TMEM18: variants seen among roughly 807,000 people sequenced by gnomAD.
TMEM18 encodes the protein transmembrane protein 18.
In TMEM18, 14 loss-of-function variants were observed where a neutral mutation model predicts 17.4. The observed-to-expected ratio is 0.80, with a 90% CI of 0.53 to 1.25. The LOEUF (loss-of-function observed/expected upper bound fraction) is 1.25, where lower values mean the gene tolerates loss of function less well. TMEM18 is among the 50% of genes most tolerant of loss of function. TMEM18 has a pLI of 0.00. For synonymous variants in TMEM18, 86 were observed against 66.1 expected (o/e 1.30, Z -1.46); for missense variants, 187 against 172.1 (o/e 1.09, Z -0.48).
Position 666,766 on chromosome 2 carries a change from T to C in TMEM18, c.*2814A>G, listed in dbSNP as rs923366363. Among the ~76,000 whole-genome samples the C allele has an allele frequency of 6.6e-6, 1 of 151,862 alleles. No individual in the cohort carries two copies. Among genetic ancestry groups the C allele is most frequent in the African/African-American group, 2.4e-5 (1 of 41,300 alleles). On this transcript the variant is annotated 3_prime_UTR_variant, in exon 5 of 5. Transcript: ENST00000281017. ...GTCCTCCCCAGGACCGACTTGCTGG[T>C]GTAGTCGACCAGCAAGAGGGGCTTC...
chr2:675,090 T>C (rs1046730988), intron 2 of TMEM18, among the ~76,000 whole-genome samples: 1 of 152,250 alleles, frequency 6.6e-6, no homozygotes, highest in Non-Finnish European at 1.5e-5. Flanking sequence ...CTAAGTTCTG[T>C]AGCCCTTATC....
chr2:675,556 C>T lies in TMEM18; in HGVS notation c.132G>A (p.Leu44=), dbSNP rs1482906183. Residue 44 remains leucine (L), a synonymous_variant, in exon 2 of 5, where the codon TTG becomes TTA. Coordinates refer to ENST00000281017, the MANE Select transcript of TMEM18 (RefSeq NM_152834.4). The stretch of plus-strand genomic sequence containing the variant: ...TCTGTAGTCTGTAGCTTCGGGAGGA[C>T]AAGCAGGTGAGGAGCACGCAGAGCG... ...FHALCVLLTC[L]SSRSYRLQIG... The T allele has an allele frequency of 4.3e-6, 7 of 1,614,110 alleles. No homozygotes were observed. Among genetic ancestry groups the T allele is most frequent in the African/African-American group, 1.3e-5 (1 of 74,930 alleles).
intron 1 of TMEM18, chr2:676,368 T>C (rs1340632195): frequency 2.8e-6 from 4 of 1,411,080 alleles, no homozygotes; most frequent in Non-Finnish European, 3.8e-6. Context: ...TTGAGCGCCC[T>C]CCTGCAGAAG....
At chr2:676,691 C>A (rs1263860294) in intron 1 of TMEM18, 2 of 1,520,710 alleles carry the variant, frequency 1.3e-6, no homozygotes, top group Non-Finnish European at 1.8e-6. Context: ...ATCTGTCAGA[C>A]GAACCCGGCA....
chr2:672,912 C>A, intron 2 of TMEM18, 50 bp from the exon 3 acceptor site: 1 of 1,457,548 alleles, frequency 6.9e-7, no homozygotes, highest in Non-Finnish European at 9.1e-7. Flanking sequence ...CGTTATTACT[C>A]GTTATAAAGT....
intron 3 of TMEM18, 78 bp downstream of exon 3, chr2:672,730 G>T: frequency 7.7e-7 from 1 of 1,306,236 alleles, no homozygotes; most frequent in Non-Finnish European, 1.0e-6. Context: ...TGTCTCCTCC[G>T]CGAGTCCCAC....
chr2:677,218 C>A, intron 1 of TMEM18, 71 bp downstream of exon 1: 3 of 1,545,318 alleles, frequency 1.9e-6, no homozygotes, highest in South Asian at 2.4e-5. Flanking sequence ...AGGCCGGGTG[C>A]TCTGTGGGGC....
Position 669,170 on chromosome 2 carries a change from C to T in TMEM18, c.*410G>A, listed in dbSNP as rs115295508. On this transcript the variant is annotated 3_prime_UTR_variant, in exon 5 of 5. Transcript: ENST00000281017. Reference sequence around the variant, plus strand: ...CCTCTACTGCGAACTGTGGCATGCACTAGAAAACACAGCACGAGGAGGAGG... The same window carrying T: ...CCTCTACTGCGAACTGTGGCATGCATTAGAAAACACAGCACGAGGAGGAGG... The T allele has an allele frequency of 8.1e-3, 1,338 of 165,832 alleles. 18 individuals are homozygous for T. Among genetic ancestry groups the T allele is most frequent in the African/African-American group, 0.03 (1,274 of 41,812 alleles). 10.3% of individuals were successfully genotyped at this position (165,832 alleles called of 1,614,324 possible).
rs760258751 is a variant in TMEM18, at chr2:672,362, C to T, written c.233+446G>A. ...GGCCAGGGCTGCCAGCGGTGCCCCC[C>T]GACATCAGGATGTGGGGCTGGGGAT... On this transcript the variant is annotated intron_variant, in intron 3 of 4. Transcript: ENST00000281017. Among the ~76,000 whole-genome samples the T allele has an allele frequency of 4.6e-5, 7 of 152,056 alleles. No homozygotes were observed. In the East Asian group the frequency reaches 7.8e-4, roughly 17 times the overall value.
intron 3 of TMEM18, chr2:671,042 C>T (rs934547295): frequency 6.6e-6 from 1 of 152,402 alleles, no homozygotes; most frequent in African/African-American, 2.4e-5. Flanking sequence ...CCTGTTACGT[C>T]TCTGGTCTAA....
chr2:675,214 T>C (rs1350249353), intron 2 of TMEM18, among the ~76,000 whole-genome samples: 1 of 152,218 alleles, frequency 6.6e-6, no homozygotes, highest in Non-Finnish European at 1.5e-5. Flanking sequence ...CAAGGACGCA[T>C]CTTGTGTAAA....
chr2:669,286 C>A lies in TMEM18; in HGVS notation c.*294G>T. 2.5e-6 allele frequency: 1 copy of A among 400,822 alleles called. No individual in the cohort carries two copies. The highest frequency in any genetic ancestry group is 2.0e-5 in the African/African-American group (1 of 50,006). The allele number at this position is 400,822 out of a possible 1,614,324, so 24.8% of individuals were successfully genotyped here. A position where few individuals can be genotyped will look rare whatever the true frequency, so the allele number is the denominator to read the frequency against. On this transcript the variant is annotated 3_prime_UTR_variant, in exon 5 of 5. Transcript: ENST00000281017. ...ATATTTATAATTAGTACTAGTTACACATATGACATGGACTTCTTCAAATCA... is the reference window on the plus strand; with the variant it reads ...ATATTTATAATTAGTACTAGTTACAAATATGACATGGACTTCTTCAAATCA...
intron 4 of TMEM18, 24 bp from the exon 5 acceptor site, chr2:669,699 G>A: frequency 6.2e-7 from 1 of 1,613,990 alleles, no homozygotes; most frequent in South Asian, 1.1e-5. Flanking sequence ...TTTGAGACAT[G>A]TTTAGATTTG....
At position 664,240 on chromosome 2, in the gene TMEM18, C is replaced by T. The variant is rs1036199078; in HGVS notation, c.*5340G>A. Among the ~76,000 whole-genome samples, 8 of 152,318 alleles carry T rather than the reference C, an allele frequency of 5.3e-5. No individual in the cohort carries two copies. Among genetic ancestry groups the T allele is most frequent in the East Asian group, 1.9e-4 (1 of 5,190 alleles). On this transcript the variant is annotated 3_prime_UTR_variant, in exon 5 of 5. Transcript: ENST00000281017. Reference sequence around the variant, plus strand: ...TAACTTCACTGTTGTGAGGTTTTCACGGTTCTTCTCCGAGGGTCACTTGTC... The same window carrying T: ...TAACTTCACTGTTGTGAGGTTTTCATGGTTCTTCTCCGAGGGTCACTTGTC...
chr2:672,813 G>T lies in TMEM18; in HGVS notation c.228C>A (p.Asn76Lys), dbSNP rs1369828531. The T allele has an allele frequency of 6.8e-7, 1 of 1,474,842 alleles. No homozygotes were observed. The highest frequency in any genetic ancestry group is 2.8e-5 in the East Asian group (1 of 36,348). The allele number at this position is 1,474,842 out of a possible 1,614,324, so 91.4% of individuals were successfully genotyped here. A position where few individuals can be genotyped will look rare whatever the true frequency, so the allele number is the denominator to read the frequency against. Residue 76 changes from asparagine to lysine, a missense_variant, in exon 3 of 5, where the codon AAC becomes AAA. Coordinates refer to ENST00000281017, the MANE Select transcript of TMEM18 (RefSeq NM_152834.4). ...AGGCCCGGGGGTGGGCTCACCTCCA[G>T]TTCATCGCAGCCGCCTCATTGATGT... is the stretch of plus-strand genomic sequence containing the variant. ...AEYINEAAAM[N>K]WRLFSKYQYF...
At chr2:672,570 C>T (rs1420556553) in intron 3 of TMEM18, among the ~76,000 whole-genome samples, 1 of 152,268 alleles carries the variant, frequency 6.6e-6, no homozygotes, top group Non-Finnish European at 1.5e-5. Flanking sequence ...CTGGCTCTGC[C>T]ATCAGAGGCC....
intron 3 of TMEM18, among the ~76,000 whole-genome samples, chr2:671,958 C>G (rs572955017): frequency 6.6e-6 from 1 of 152,014 alleles, no homozygotes; most frequent in Non-Finnish European, 1.5e-5. Flanking sequence ...GGGACGCTGT[C>G]GTGGAGGGAA....
At chr2:675,722 G>C (rs1407221601) in intron 1 of TMEM18, 92 bp from the exon 2 acceptor site, 1 of 1,555,380 alleles carries the variant, frequency 6.4e-7, no homozygotes, top group South Asian at 1.2e-5. Context: ...CAGGAGGCAG[G>C]GGCCTCTCAC....
chr2:669,441 C>A lies in TMEM18; in HGVS notation c.*139G>T. 1 of 855,814 alleles carries A rather than the reference C, an allele frequency of 1.2e-6. No homozygotes were observed. The highest frequency in any genetic ancestry group is 1.6e-5 in the South Asian group (1 of 62,014). The allele number at this position is 855,814 out of a possible 1,614,324, so 53.0% of individuals were successfully genotyped here. ...AAAGCCAACTTCAGTGTGTGCCCTA[C>A]CACTGTGGATATTTAAATAAAACAA... On this transcript the variant is annotated 3_prime_UTR_variant, in exon 5 of 5. Transcript: ENST00000281017.
Sources: allele counts gnomAD v4.1 joint callset (sites outside exome capture counted in the v4.1 genomes callset), GRCh38; gene constraint gnomAD v4.1.1; transcripts MANE v1.5; gene names NCBI Gene and HGNC (gene_info 2026-07-23, HGNC 2026-07-21).